DZANK1: variants seen among roughly 807,000 people sequenced by gnomAD.
DZANK1 encodes double zinc ribbon and ankyrin repeat-containing protein 1.
DZANK1 carries 91 observed loss-of-function variants against 94.5 expected under a neutral mutation model. The ratio of observed to expected loss-of-function variants is 0.96; its 90% CI spans 0.81 to 1.15. The LOEUF is 1.15. Among genes scored for constraint, DZANK1 ranks in the 50% most tolerant of loss-of-function variants. The pLI, the probability that DZANK1 is intolerant of heterozygous loss-of-function variation, is 0.00. For missense variants in DZANK1, 903 were observed against 916.4 expected (o/e 0.99, Z 0.19); for synonymous variants, 312 against 325.3 (o/e 0.96, Z 0.44).
rs757403162 is a variant in DZANK1, at chr20:18,389,686, A to G, written c.2018+15T>C. On this transcript the variant is annotated intron_variant, in intron 19 of 20. Coordinates refer to ENST00000262547, the Ensembl canonical transcript of DZANK1. Reference sequence around the variant, plus strand: ...TGCTGCTACCTTAGCTCTCCTTTCAATGTGTTTCACTTACGGCCCCCACTG... The same window carrying G: ...TGCTGCTACCTTAGCTCTCCTTTCAGTGTGTTTCACTTACGGCCCCCACTG... 12 of 1,613,302 alleles carry G rather than the reference A, an allele frequency of 7.4e-6. 1 individual carries two copies. Among genetic ancestry groups the G allele is most frequent in the South Asian group, 2.2e-5 (2 of 91,002 alleles).
chr20:18,424,458 A>T (rs1484017729), intron 10 of DZANK1, among the ~76,000 whole-genome samples: 3 of 151,012 alleles, frequency 2.0e-5, no homozygotes, highest in Non-Finnish European at 3.0e-5. Flanking sequence ...CCGTCTCAAT[A>T]ACAACAACAA....
exon 16 of DZANK1, chr20:18,394,280 C>T: frequency 1.2e-6 from 2 of 1,613,716 alleles, no homozygotes; most frequent in South Asian, 2.2e-5. Context: ...GCCGCACAGC[C>T]CCCCATCACC....
chr20:18,387,596 C>T (rs2048583357), intron 19 of DZANK1, among the ~76,000 whole-genome samples: 1 of 152,156 alleles, frequency 6.6e-6, no homozygotes, highest in South Asian at 2.1e-4. Context: ...AGCTCTTGTC[C>T]AAAAGCAAAC....
chr20:18,423,322 T>C (rs1189859552), intron 10 of DZANK1, among the ~76,000 whole-genome samples: 1 of 152,264 alleles, frequency 6.6e-6, no homozygotes, highest in African/African-American at 2.4e-5. Flanking sequence ...ACTATATTTG[T>C]GTGTTCTTCA....
chr20:18,427,814 T>C (rs2058109664), intron 9 of DZANK1, among the ~76,000 whole-genome samples: 1 of 152,176 alleles, frequency 6.6e-6, no homozygotes, highest in African/African-American at 2.4e-5. Flanking sequence ...GTTTGCTCTG[T>C]AGTTTTTACT....
At chr20:18,430,006 C>T (rs1464657249) in intron 9 of DZANK1, among the ~76,000 whole-genome samples, 1 of 152,198 alleles carries the variant, frequency 6.6e-6, no homozygotes, top group African/African-American at 2.4e-5. Flanking sequence ...CATCCACAGC[C>T]TTTGCAACAT....
chr20:18,433,409 G>A (rs1213727530), intron 9 of DZANK1: 10 of 439,810 alleles, frequency 2.3e-5, no homozygotes, highest in Middle Eastern at 1.3e-3. Context: ...ATGCGTGGTG[G>A]TGCACGCCTG....
intron 4 of DZANK1, chr20:18,454,332 C>T (rs2059208927): frequency 3.6e-6 from 1 of 275,848 alleles, no homozygotes; most frequent in East Asian, 9.0e-5. Context: ...CAGTGTAGAT[C>T]CTTGCCTTGA....
At chr20:18,439,085 T>C (rs1682079742) in intron 8 of DZANK1, among the ~76,000 whole-genome samples, 1 of 152,194 alleles carries the variant, frequency 6.6e-6, no homozygotes, top group South Asian at 2.1e-4. Context: ...AGGTTAAGGT[T>C]CCATCTATCA....
At chr20:18,462,199 T>A (rs986508758) in intron 2 of DZANK1, among the ~76,000 whole-genome samples, 6 of 151,944 alleles carry the variant, frequency 3.9e-5, no homozygotes, top group Admixed American at 6.6e-5. Context: ...CAAAAGTATA[T>A]CTTAGGGGCT....
rs765010439 is a variant in DZANK1 at position 18,427,174 on chromosome 20, A to G, written c.862-15T>C. On this transcript the variant is annotated splice_polypyrimidine_tract_variant and intron_variant, in intron 9 of 20. Transcript: ENST00000262547. ...ATTACCTTCTCCTTAACAACAAAAAATAAGACATACATGTTCCTCTGAGCA... is the reference window on the plus strand; with the variant it reads ...ATTACCTTCTCCTTAACAACAAAAAGTAAGACATACATGTTCCTCTGAGCA... 3 of 1,600,128 alleles carry G rather than the reference A, an allele frequency of 1.9e-6. No individual in the cohort carries two copies. Among genetic ancestry groups the G allele is most frequent in the Non-Finnish European group, 8.6e-7 (1 of 1,168,606 alleles).
At chr20:18,406,868 AAGAGCCTTTGGGCT>A (rs1429441035) in intron 13 of DZANK1, among the ~76,000 whole-genome samples, 2 of 152,184 alleles carry the variant, frequency 1.3e-5, no homozygotes, top group African/African-American at 4.8e-5. Context: ...AAGCTAACAG[AAGAGCCTTTGGGCT>A]TCAAGCAAAC....
rs1472698014 is a variant in DZANK1, at chr20:18,389,869, GCA to G, written c.1891-43_1891-42del. On this transcript the variant is annotated intron_variant, in intron 18 of 20. Coordinates refer to ENST00000262547, the Ensembl canonical transcript of DZANK1. ...AAGGACAAACTCTCCAAAACACCCT[GCA>G]CTCAACAGCATCCAGTCGCCATCCT... 3.1e-6 allele frequency: 5 copies of G among 1,610,056 alleles called. No individual in the cohort carries two copies. The Admixed American group carries it at 8.4e-5, about 27-fold the overall frequency.
At chr20:18,439,229 G>C (rs1190564615) in intron 8 of DZANK1, among the ~76,000 whole-genome samples, 1 of 152,172 alleles carries the variant, frequency 6.6e-6, no homozygotes, top group African/African-American at 2.4e-5. Flanking sequence ...CCACTGCACA[G>C]TCACTCAATT....
intron 13 of DZANK1, among the ~76,000 whole-genome samples, chr20:18,403,802 T>TC (rs1254596252): frequency 2.0e-5 from 3 of 147,152 alleles, no homozygotes; most frequent in Non-Finnish European, 3.0e-5. Context: ...CTTTCTTTTT[T>TC]TTTTTTTTTT....
intron 9 of DZANK1, among the ~76,000 whole-genome samples, chr20:18,428,875 G>A (rs1049487094): frequency 5.3e-5 from 8 of 152,180 alleles, no homozygotes; most frequent in African/African-American, 1.9e-4. Context: ...TTTAGTGGAA[G>A]ATTCCAAAGT....
intron 2 of DZANK1, among the ~76,000 whole-genome samples, chr20:18,462,756 G>A (rs924935241): frequency 6.6e-6 from 1 of 151,836 alleles, no homozygotes; most frequent in African/African-American, 2.4e-5. Flanking sequence ...AGCACTTTGG[G>A]AGGCCCAGGC....
intron 13 of DZANK1, among the ~76,000 whole-genome samples, chr20:18,407,982 G>A (rs1363098000): frequency 1.3e-5 from 2 of 152,212 alleles, no homozygotes; most frequent in African/African-American, 4.8e-5. Flanking sequence ...GCCTTAAAGA[G>A]GAGGTAGAGA....
At chr20:18,455,321 C>T (rs370221336) in exon 4 of DZANK1, 92 of 1,608,290 alleles carry the variant, frequency 5.7e-5, no homozygotes, top group Middle Eastern at 4.9e-4. Flanking sequence ...TCATAGTCTA[C>T]GTGAAACACC....
Sources: gnomAD v4.1 joint callset for allele counts (sites outside exome capture counted in the v4.1 genomes callset) on GRCh38, gnomAD v4.1.1 for gene constraint, MANE v1.5 for transcripts, NCBI Gene and HGNC (gene_info 2026-07-23, HGNC 2026-07-21) for gene names.